Variants in GPHN observed in about 807,000 individuals in gnomAD.
The protein encoded by GPHN is gephyrin.
In GPHN, 17 loss-of-function variants were observed where a neutral mutation model predicts 95.5. That is an observed-to-expected ratio of 0.18 (90% confidence interval 0.12 to 0.27). GPHN has a LOEUF of 0.27. GPHN is among the 10% of genes least tolerant of loss of function. The probability of loss-of-function intolerance (pLI) is 1.00; values close to 1 mark genes in which losing one functional copy is unlikely to be tolerated. For synonymous variants in GPHN, 320 were observed against 322.5 expected (o/e 0.99, Z 0.08); for missense variants, 660 against 978.1 (o/e 0.67, Z 4.34).
At chr14:66,839,827 A>C (rs1414955309) in intron 4 of GPHN, among the ~76,000 whole-genome samples, 1 of 152,070 alleles carries the variant, frequency 6.6e-6, no homozygotes, top group African/African-American at 2.4e-5. Context: ...GGCCCTATTT[A>C]CTTCCTCTTT....
At chr14:67,392,537 A>G in the GPHN span, 9 of 1,199,512 alleles carry the variant, frequency 7.5e-6, no homozygotes, top group African/African-American at 7.5e-5. Flanking sequence ...CTCATTCTGC[A>G]TCAGGATGAA....
chr14:67,281,799 C>A, the GPHN span, among the ~76,000 whole-genome samples: 3 of 147,654 alleles, frequency 2.0e-5, no homozygotes, highest in African/African-American at 7.8e-5. Flanking sequence ...AATTGGACAT[C>A]ATTTCTCTTA....
At chr14:67,134,994 C>G in intron 17 of GPHN, among the ~76,000 whole-genome samples, 1 of 67,494 alleles carries the variant, frequency 1.5e-5, no homozygotes, top group South Asian at 5.1e-4. Context: ...GAGTCTTACT[C>G]TGTCACCCAG....
the GPHN span, among the ~76,000 whole-genome samples, chr14:67,295,346 T>A: frequency 6.6e-6 from 1 of 151,714 alleles, no homozygotes; most frequent in African/African-American, 2.4e-5. Flanking sequence ...AAAAATTAGC[T>A]GGCTGTAGTG....
chr14:66,510,963 A>G lies in GPHN; in HGVS notation c.64+2372A>G, dbSNP rs147128918. On this transcript the variant is annotated intron_variant, in intron 1 of 22. Coordinates refer to ENST00000478722, the MANE Select transcript of GPHN (RefSeq NM_020806.5). ...CAGGAACAAGGATGTAGCTGAAGGAATGAAAAGGCAGCTACAGATTTGGAA... is the reference window on the plus strand; with the variant it reads ...CAGGAACAAGGATGTAGCTGAAGGAGTGAAAAGGCAGCTACAGATTTGGAA... Among the ~76,000 whole-genome samples, 745 of 152,314 alleles carry G rather than the reference A, an allele frequency of 4.9e-3. 6 individuals are homozygous for G. Among genetic ancestry groups the G allele is most frequent in the Admixed American group, 9.2e-3 (141 of 15,304 alleles).
chr14:67,303,667 T>A, the GPHN span: 5 of 1,097,462 alleles, frequency 4.6e-6, no homozygotes, highest in Non-Finnish European at 7.0e-6. Flanking sequence ...TACTGTTTAC[T>A]GTTACAGAAA....
chr14:67,218,804 C>T, the GPHN span, among the ~76,000 whole-genome samples: 1 of 152,012 alleles, frequency 6.6e-6, no homozygotes, highest in East Asian at 2.0e-4. Flanking sequence ...GGTGTGTATG[C>T]AGCAGTTTGG....
At chr14:66,921,608 T>C (rs1422661794) in intron 6 of GPHN, among the ~76,000 whole-genome samples, 1 of 152,152 alleles carries the variant, frequency 6.6e-6, no homozygotes, top group Admixed American at 6.6e-5. Context: ...ATTAGTAGAA[T>C]CAATAATGTG....
intron 2 of GPHN, among the ~76,000 whole-genome samples, chr14:66,745,341 C>T (rs72728627): frequency 1.8e-4 from 28 of 152,150 alleles, no homozygotes; most frequent in Non-Finnish European, 3.7e-4. Flanking sequence ...CATAGTGACA[C>T]TTTACCCCTG....
the GPHN span, chr14:67,395,321 C>T: frequency 1.6e-6 from 2 of 1,242,252 alleles, no homozygotes; most frequent in African/African-American, 1.5e-5. Context: ...AAGCACAGAG[C>T]CCCCCCAAGG....
the GPHN span, chr14:67,620,748 A>T: frequency 1.4e-6 from 1 of 737,822 alleles, no homozygotes; most frequent in Non-Finnish European, 2.3e-6. Flanking sequence ...TGTGATTCCA[A>T]CAATGGAGTT....
the GPHN span, among the ~76,000 whole-genome samples, chr14:67,248,780 G>A: frequency 6.6e-6 from 1 of 152,144 alleles, no homozygotes; most frequent in African/African-American, 2.4e-5. Context: ...AAAATAAGGT[G>A]TGCCTGATTT....
Position 67,046,079 on chromosome 14 carries a change from T to G in GPHN, c.1007-12570T>G, listed in dbSNP as rs375920820. Among the ~76,000 whole-genome samples the G allele has an allele frequency of 3.0e-3, 456 of 152,144 alleles. 5 individuals are homozygous for G. Among genetic ancestry groups the G allele is most frequent in the South Asian group, 0.011 (55 of 4,822 alleles). On this transcript the variant is annotated intron_variant, in intron 10 of 22. Coordinates refer to ENST00000478722, the MANE Select transcript of GPHN (RefSeq NM_020806.5). Reference sequence around the variant, plus strand: ...GTGACCCAGACATTCTATCTCGATTTTTTTTTAAAGGAAGAATTTATTTAA... The same window carrying G: ...GTGACCCAGACATTCTATCTCGATTGTTTTTTAAAGGAAGAATTTATTTAA...
intron 2 of GPHN, among the ~76,000 whole-genome samples, chr14:66,734,535 T>C (rs953375219): frequency 2.0e-5 from 3 of 152,218 alleles, no homozygotes; most frequent in African/African-American, 7.2e-5. Context: ...GTTATTGTAT[T>C]AACTTATTTT....
chr14:67,408,873 A>T, the GPHN span, among the ~76,000 whole-genome samples: 1 of 152,040 alleles, frequency 6.6e-6, no homozygotes, highest in Non-Finnish European at 1.5e-5. Flanking sequence ...GCATAACCAT[A>T]ATTTAATTAG....
At chr14:66,959,651 C>A (rs1299918124) in intron 8 of GPHN, among the ~76,000 whole-genome samples, 1 of 152,070 alleles carries the variant, frequency 6.6e-6, no homozygotes, top group East Asian at 1.9e-4. Flanking sequence ...TATTGAGGAT[C>A]AGAATTCTCT....
chr14:67,119,160 T>C (rs914237031), intron 16 of GPHN, among the ~76,000 whole-genome samples: 18 of 152,238 alleles, frequency 1.2e-4, no homozygotes, highest in African/African-American at 4.1e-4. Flanking sequence ...TCCATGATCT[T>C]ATCTTAAAGT....
the GPHN span, among the ~76,000 whole-genome samples, chr14:67,523,838 A>AT: frequency 6.6e-5 from 10 of 150,978 alleles, no homozygotes; most frequent in South Asian, 2.1e-4. Context: ...CTTTGGAGGA[A>AT]TTTTTTTTTT....
the GPHN span, among the ~76,000 whole-genome samples, chr14:67,328,395 T>A: frequency 1.3e-5 from 2 of 152,254 alleles, no homozygotes; most frequent in African/African-American, 4.8e-5. Context: ...CTTTGTCAGA[T>A]GGGTAGATGG....
Sources: allele counts gnomAD v4.1 joint callset (sites outside exome capture counted in the v4.1 genomes callset), GRCh38; gene constraint gnomAD v4.1.1; transcripts MANE v1.5; gene names NCBI Gene and HGNC (gene_info 2026-07-23, HGNC 2026-07-21).